HMCN1: variants seen among roughly 807,000 people sequenced by gnomAD.
HMCN1 encodes the protein hemicentin-1.
HMCN1 carries 321 observed loss-of-function variants against 625.9 expected under a neutral mutation model. That is an observed-to-expected ratio of 0.51 (90% CI 0.47 to 0.56). The LOEUF (loss-of-function observed/expected upper bound fraction) is 0.56. HMCN1 is among the 20% of genes least tolerant of loss of function. The pLI, the probability that HMCN1 is intolerant of heterozygous loss-of-function variation, is 0.00. For missense variants in HMCN1, 6,588 were observed against 6,887.3 expected (o/e 0.96, Z 1.54); for synonymous variants, 2,425 against 2,417.6 (o/e 1.00, Z -0.09).
At chr1:186,171,888 A>G (rs1652254638) in intron 101 of HMCN1, 118 bp from the exon 102 acceptor site, 1 of 848,672 alleles carries the variant, frequency 1.2e-6, no homozygotes, top group Admixed American at 2.4e-5. Flanking sequence ...ACCTTACACA[A>G]TGATTATGCA....
intron 20 of HMCN1, among the ~76,000 whole-genome samples, chr1:185,988,411 A>G (rs1652153015): frequency 1.3e-5 from 2 of 152,254 alleles, no homozygotes; most frequent in Non-Finnish European, 2.9e-5. Context: ...TGGCATTTGT[A>G]TAATTAGCAC....
chr1:186,016,352 C>A (rs1654367512), intron 32 of HMCN1, 113 bp downstream of exon 32: 1 of 976,328 alleles, frequency 1.0e-6, no homozygotes, highest in Non-Finnish European at 1.5e-6. Flanking sequence ...AGGTATAGTC[C>A]TCTGTGCAAC....
intron 4 of HMCN1, among the ~76,000 whole-genome samples, chr1:185,894,023 T>G (rs545414432): frequency 6.6e-6 from 1 of 151,534 alleles, no homozygotes; most frequent in South Asian, 2.1e-4. Context: ...TAGTCCCAGC[T>G]ACTCTGGAGG....
At chr1:186,172,805 T>A (rs533508686) in intron 102 of HMCN1, among the ~76,000 whole-genome samples, 7 of 152,070 alleles carry the variant, frequency 4.6e-5, no homozygotes, top group Non-Finnish European at 1.0e-4. Context: ...TACTCCACTA[T>A]ACCCCCTCCC....
intron 24 of HMCN1, among the ~76,000 whole-genome samples, chr1:185,996,908 G>A (rs1652830170): frequency 6.6e-6 from 1 of 152,114 alleles, no homozygotes; most frequent in Non-Finnish European, 1.5e-5. Context: ...ATTTGAATTA[G>A]ATAAGTCAAT....
chr1:185,855,408 G>C (rs894286069), intron 2 of HMCN1, among the ~76,000 whole-genome samples: 2 of 152,060 alleles, frequency 1.3e-5, no homozygotes, highest in African/African-American at 4.8e-5. Context: ...TTTGCCTACG[G>C]TTAACCCTGC....
intron 1 of HMCN1, among the ~76,000 whole-genome samples, chr1:185,794,601 ATTTTTTT>A (rs34098989): frequency 3.6e-5 from 4 of 111,194 alleles, no homozygotes; most frequent in African/African-American, 1.1e-4. Flanking sequence ...GTCTTTACAC[ATTTTTTT>A]TTTTTTTTTT....
intron 43 of HMCN1, 29 bp from the exon 44 acceptor site, chr1:186,053,796 C>A (rs200390903): frequency 1.7e-5 from 27 of 1,610,764 alleles, no homozygotes; most frequent in Non-Finnish European, 2.1e-5. Context: ...ATTTCTGCCT[C>A]ATATTCTGCC....
chr1:186,070,429 G>A (rs1658405630), intron 51 of HMCN1, among the ~76,000 whole-genome samples, 183 bp from the exon 52 acceptor site: 1 of 152,030 alleles, frequency 6.6e-6, no homozygotes, highest in Admixed American at 6.6e-5. Context: ...GAGATTTCCT[G>A]TTCCATCTTG....
intron 41 of HMCN1, among the ~76,000 whole-genome samples, chr1:186,048,227 C>T (rs1271638675): frequency 6.6e-6 from 1 of 152,026 alleles, no homozygotes; most frequent in Non-Finnish European, 1.5e-5. Context: ...TACATAAATA[C>T]ATGAAAAATA....
intron 40 of HMCN1, 72 bp from the exon 41 acceptor site, chr1:186,045,616 T>C: frequency 1.8e-6 from 2 of 1,124,130 alleles, no homozygotes; most frequent in South Asian, 1.2e-5. Flanking sequence ...TCAGTATATG[T>C]CCTGATAATT....
At chr1:185,789,313 T>A (rs1166834870) in intron 1 of HMCN1, among the ~76,000 whole-genome samples, 1 of 152,086 alleles carries the variant, frequency 6.6e-6, no homozygotes, top group Admixed American at 6.6e-5. Context: ...TTTCAGGTGG[T>A]TCGTGAGCAC....
In HMCN1 at chr1:185,757,900, G is replaced by A. The variant is rs1358824; in HGVS notation, c.268+22853G>A. On this transcript the variant is annotated intron_variant, in intron 1 of 106. Transcript: ENST00000271588. ...GTATTGTCATGTTCCTTGAATTTTG[G>A]TTATTCATAGATACTCTTATATATC... 9.2e-5 allele frequency among the ~76,000 whole-genome samples: 14 copies of A among 152,012 alleles called. 1 individual carries two copies. The East Asian group carries it at 1.3e-3, about 15-fold the overall frequency.
chr1:186,144,073 G>T, intron 89 of HMCN1, 100 bp from the exon 90 acceptor site: 1 of 976,888 alleles, frequency 1.0e-6, no homozygotes, highest in East Asian at 2.5e-5. Flanking sequence ...TCTTAGATTG[G>T]GGACTAATTA....
intron 1 of HMCN1, among the ~76,000 whole-genome samples, chr1:185,758,084 A>G (rs1376468353): frequency 1.3e-5 from 2 of 152,220 alleles, no homozygotes; most frequent in African/African-American, 4.8e-5. Context: ...GTGACTTACC[A>G]GCACTTCTCA....
At chr1:186,118,830 G>T (rs970043687) in intron 77 of HMCN1, among the ~76,000 whole-genome samples, 1 of 152,234 alleles carries the variant, frequency 6.6e-6, no homozygotes, top group African/African-American at 2.4e-5. Context: ...AAGCAGATTA[G>T]TGGTGGGCTA....
At chr1:186,083,892 A>G (rs1225070862) in intron 57 of HMCN1, among the ~76,000 whole-genome samples, 1 of 152,178 alleles carries the variant, frequency 6.6e-6, no homozygotes. Flanking sequence ...AGTTTTTTGA[A>G]TGGATAAATC....
intron 1 of HMCN1, among the ~76,000 whole-genome samples, chr1:185,842,489 G>A (rs1293193271): frequency 6.6e-6 from 1 of 151,962 alleles, no homozygotes; most frequent in Non-Finnish European, 1.5e-5. Context: ...CTTGAGCATT[G>A]GGAGGTCGAG....
chr1:185,870,037 A>T (rs74134309), intron 4 of HMCN1, among the ~76,000 whole-genome samples: 2,934 of 135,934 alleles, frequency 0.022, 59 homozygotes, highest in African/African-American at 0.055. Flanking sequence ...TTTTTTTTTT[A>T]AAAAAAAACA....
Sources: allele counts gnomAD v4.1 joint callset (sites outside exome capture counted in the v4.1 genomes callset), GRCh38; gene constraint gnomAD v4.1.1; transcripts MANE v1.5; gene names NCBI Gene and HGNC (gene_info 2026-07-23, HGNC 2026-07-21).